Variants in PHF24 observed in about 807,000 individuals in gnomAD.
PHF24 encodes PHD finger protein 24.
PHF24 carries 25 observed loss-of-function variants against 42.6 expected under a neutral mutation model. The observed-to-expected ratio is 0.59, with a 90% confidence interval of 0.43 to 0.82. The LOEUF is 0.82. PHF24 is among the 40% of genes least tolerant of loss of function. PHF24 has a pLI of 0.00. For synonymous variants in PHF24, 185 were observed against 204.8 expected, an observed-to-expected ratio of 0.90 and a Z score of 0.83; for missense variants, 470 against 538.1, an observed-to-expected ratio of 0.87 and a Z score of 1.25.
At chr9:34,882,712 G>C in the PHF24 span, among the ~76,000 whole-genome samples, 2 of 152,152 alleles carry the variant, frequency 1.3e-5, no homozygotes, top group African/African-American at 4.8e-5. Context: ...CGAAATAAAA[G>C]AGGACACAAA....
chr9:34,801,996 A>G, the PHF24 span, among the ~76,000 whole-genome samples: 1 of 152,160 alleles, frequency 6.6e-6, no homozygotes, highest in African/African-American at 2.4e-5. Flanking sequence ...TGATAGGTGC[A>G]GCAAACCATC....
At chr9:34,702,080 G>T in the PHF24 span, among the ~76,000 whole-genome samples, 1 of 152,166 alleles carries the variant, frequency 6.6e-6, no homozygotes, top group African/African-American at 2.4e-5. Context: ...GCTGGGGCTG[G>T]AGGATGAAGG....
chr9:34,860,886 C>T, the PHF24 span, among the ~76,000 whole-genome samples: 1 of 152,114 alleles, frequency 6.6e-6, no homozygotes, highest in Non-Finnish European at 1.5e-5. Flanking sequence ...AATAAGCAGC[C>T]ATGGACTGTG....
the PHF24 span, among the ~76,000 whole-genome samples, chr9:34,910,898 C>T: frequency 1.3e-5 from 2 of 151,996 alleles, no homozygotes; most frequent in African/African-American, 4.8e-5. Flanking sequence ...ACATAGCTTA[C>T]TACAGCTTCC....
At chr9:34,731,665 T>A in the PHF24 span, among the ~76,000 whole-genome samples, 1 of 152,252 alleles carries the variant, frequency 6.6e-6, no homozygotes, top group Non-Finnish European at 1.5e-5. Flanking sequence ...CACTCCATTG[T>A]GTATATGTAC....
the PHF24 span, among the ~76,000 whole-genome samples, chr9:34,857,263 G>A: frequency 7.9e-5 from 12 of 152,172 alleles, no homozygotes; most frequent in Non-Finnish European, 1.2e-4. Flanking sequence ...GTGGGATAAC[G>A]CCACTTGACT....
rs1025167852 is a variant in PHF24 at position 34,972,479 on chromosome 9, C to T, written c.512C>T (p.Ala171Val). Residue 171 changes from alanine to valine, a missense_variant, in exon 3 of 8, where the codon GCG (alanine) becomes GTG (valine). By Grantham distance (64) the Ala-to-Val change is moderately conservative. Coordinates refer to ENST00000242315, the Ensembl canonical transcript of PHF24. The stretch of plus-strand genomic sequence containing the variant: ...GGCTACATCCAAGGAGACAGTGCAG[C>T]GGAGGTGACGGAGATGGCCCACACA... 1.1e-5 allele frequency: 17 copies of T among 1,613,590 alleles called. No individual in the cohort carries two copies. The highest frequency in any genetic ancestry group is 4.5e-5 in the East Asian group (2 of 44,880).
the PHF24 span, among the ~76,000 whole-genome samples, chr9:34,831,651 A>G: frequency 6.6e-6 from 1 of 152,100 alleles, no homozygotes; most frequent in Non-Finnish European, 1.5e-5. Flanking sequence ...TGTCCTGGTC[A>G]GGCATGAGAA....
At chr9:34,899,688 G>T in the PHF24 span, among the ~76,000 whole-genome samples, 12 of 152,178 alleles carry the variant, frequency 7.9e-5, no homozygotes, top group African/African-American at 2.7e-4. Context: ...TCACACAGCG[G>T]ATTACTACCC....
chr9:34,868,832 T>C, the PHF24 span, among the ~76,000 whole-genome samples: 1 of 152,164 alleles, frequency 6.6e-6, no homozygotes, highest in Non-Finnish European at 1.5e-5. Flanking sequence ...GCCATGGTGG[T>C]TTGCTGTATA....
chr9:34,670,540 C>T, the PHF24 span, among the ~76,000 whole-genome samples: 1 of 152,244 alleles, frequency 6.6e-6, no homozygotes, highest in Non-Finnish European at 1.5e-5. Context: ...TCACAACTCT[C>T]CGCAGTAGAC....
the PHF24 span, among the ~76,000 whole-genome samples, chr9:34,847,835 C>T: frequency 2.0e-5 from 3 of 152,096 alleles, no homozygotes; most frequent in Non-Finnish European, 2.9e-5. Flanking sequence ...TGTCAAAGAC[C>T]TTTTCTGCAT....
upstream of PHF24, among the ~76,000 whole-genome samples, chr9:34,952,771 C>G (rs1233376040): frequency 1.3e-5 from 2 of 152,138 alleles, no homozygotes; most frequent in African/African-American, 4.8e-5. Context: ...ATACAAAGAA[C>G]TACACATATT....
the PHF24 span, among the ~76,000 whole-genome samples, chr9:34,947,807 G>C: frequency 6.6e-6 from 1 of 152,082 alleles, no homozygotes; most frequent in African/African-American, 2.4e-5. Context: ...AAATAAACAT[G>C]TTAAAAATAA....
the PHF24 span, among the ~76,000 whole-genome samples, chr9:34,880,798 C>T: frequency 3.3e-5 from 5 of 152,118 alleles, no homozygotes; most frequent in Non-Finnish European, 2.9e-5. Flanking sequence ...GACAGATCAA[C>T]GAGACAGAAC....
chr9:34,969,821 G>C (rs1182227040), intron 1 of PHF24, among the ~76,000 whole-genome samples: 1 of 152,068 alleles, frequency 6.6e-6, no homozygotes, highest in Non-Finnish European at 1.5e-5. Flanking sequence ...TCTGGACTAT[G>C]ATATTAACAG....
the PHF24 span, chr9:34,710,025 C>T: frequency 6.2e-7 from 1 of 1,613,970 alleles, no homozygotes; most frequent in Non-Finnish European, 8.5e-7. Flanking sequence ...TGCCAAAGGC[C>T]AGAACCAGGA....
At chr9:34,748,695 T>G in the PHF24 span, among the ~76,000 whole-genome samples, 2 of 152,110 alleles carry the variant, frequency 1.3e-5, no homozygotes, top group Non-Finnish European at 2.9e-5. Flanking sequence ...AACACCCAAA[T>G]CCCTTTGAAT....
At chr9:34,851,171 G>A in the PHF24 span, among the ~76,000 whole-genome samples, 4 of 152,308 alleles carry the variant, frequency 2.6e-5, no homozygotes, top group East Asian at 1.9e-4. Context: ...GGTTACTGCT[G>A]TCTTTTTGTT....
Sources: allele counts gnomAD v4.1 joint callset (sites outside exome capture counted in the v4.1 genomes callset), GRCh38; gene constraint gnomAD v4.1.1; transcripts MANE v1.5; gene names NCBI Gene and HGNC (gene_info 2026-07-23, HGNC 2026-07-21).